The following GARIN2 variants were observed in gnomAD, a reference collection of about 807,000 sequenced individuals.
The protein encoded by GARIN2 is golgi associated RAB2 interactor family member 2.
At chr14:67,225,346 A>G in the GARIN2 span, 2 of 851,044 alleles carry the variant, frequency 2.4e-6, no homozygotes, top group South Asian at 4.1e-5. Context: ...AATAAGTGGG[A>G]TCTTTTAACA....
chr14:67,193,599 C>A, the GARIN2 span, among the ~76,000 whole-genome samples: 27 of 142,052 alleles, frequency 1.9e-4, no homozygotes, highest in East Asian at 4.1e-4. Context: ...AGATATATAT[C>A]TATAGATATA....
chr14:67,204,879 C>T, the GARIN2 span: 4 of 1,613,816 alleles, frequency 2.5e-6, no homozygotes, highest in Non-Finnish European at 3.4e-6. Context: ...GCATAGATTT[C>T]CCAGAATTCA....
At chr14:67,198,170 G>T in the GARIN2 span, 1 of 1,610,094 alleles carries the variant, frequency 6.2e-7, no homozygotes, top group Non-Finnish European at 8.5e-7. Flanking sequence ...CAATGAAGAA[G>T]AACACCAGCA....
the GARIN2 span, among the ~76,000 whole-genome samples, chr14:67,211,040 T>G: frequency 6.6e-6 from 1 of 152,062 alleles, no homozygotes; most frequent in Non-Finnish European, 1.5e-5. Context: ...TGCAGTCAGA[T>G]CTCTGGGTTC....
At chr14:67,199,061 C>G in the GARIN2 span, 5 of 818,466 alleles carry the variant, frequency 6.1e-6, no homozygotes, top group African/African-American at 8.4e-5. Flanking sequence ...GCTCTTTTGC[C>G]ATGGCTACCA....
At chr14:67,202,877 G>A in the GARIN2 span, among the ~76,000 whole-genome samples, 2 of 152,190 alleles carry the variant, frequency 1.3e-5, no homozygotes, top group Non-Finnish European at 2.9e-5. Context: ...TACTTAAATT[G>A]TTTAATGTTT....
chr14:67,221,962 T>C, the GARIN2 span: 4 of 883,536 alleles, frequency 4.5e-6, no homozygotes, highest in Non-Finnish European at 6.6e-6. Flanking sequence ...CTGAGAATCC[T>C]ATACTGAAGA....
At chr14:67,199,647 C>T in the GARIN2 span, 2 of 1,576,264 alleles carry the variant, frequency 1.3e-6, no homozygotes, top group Non-Finnish European at 1.7e-6. Flanking sequence ...CGACTTCTGG[C>T]AGCTCAGAAC....
the GARIN2 span, among the ~76,000 whole-genome samples, chr14:67,192,790 G>T: frequency 6.8e-6 from 1 of 146,958 alleles, no homozygotes. Context: ...ATATATGTAT[G>T]TGTGTGTATA....
chr14:67,222,910 G>A, the GARIN2 span, among the ~76,000 whole-genome samples: 1 of 151,000 alleles, frequency 6.6e-6, no homozygotes. Flanking sequence ...TTAGTCACAC[G>A]TACAAGAGTC....
the GARIN2 span, among the ~76,000 whole-genome samples, chr14:67,193,172 A>C: frequency 5.7e-5 from 8 of 140,814 alleles, no homozygotes; most frequent in Admixed American, 2.2e-4. Context: ...AGACATCTAT[A>C]TATCTCTATA....
At chr14:67,208,118 G>C in the GARIN2 span, 1 of 1,548,172 alleles carries the variant, frequency 6.5e-7, no homozygotes, top group East Asian at 2.3e-5. Flanking sequence ...ATGAAATGGT[G>C]CCTGTATTCG....
At chr14:67,217,024 A>G in the GARIN2 span, among the ~76,000 whole-genome samples, 1 of 152,164 alleles carries the variant, frequency 6.6e-6, no homozygotes, top group African/African-American at 2.4e-5. Context: ...GTCCCCAGCT[A>G]TTATTGTATT....
the GARIN2 span, chr14:67,201,771 A>C: frequency 1.1e-5 from 3 of 284,686 alleles, no homozygotes; most frequent in South Asian, 9.7e-5. Context: ...AGTGTGAGCT[A>C]CAACCTCTTT....
chr14:67,195,995 A>G, the GARIN2 span, among the ~76,000 whole-genome samples: 2 of 152,134 alleles, frequency 1.3e-5, no homozygotes, highest in African/African-American at 4.8e-5. Context: ...CATGTTGGCC[A>G]GGCTGTTCTC....
the GARIN2 span, among the ~76,000 whole-genome samples, chr14:67,206,897 T>G: frequency 6.6e-6 from 1 of 151,992 alleles, no homozygotes; most frequent in Non-Finnish European, 1.5e-5. Flanking sequence ...GCCCAGTTAA[T>G]TTTTGTATTT....
the GARIN2 span, among the ~76,000 whole-genome samples, chr14:67,222,328 T>C: frequency 2.6e-5 from 4 of 152,238 alleles, no homozygotes; most frequent in Non-Finnish European, 5.9e-5. Context: ...GTAGTCTCTG[T>C]TGCCCAGGCT....
the GARIN2 span, chr14:67,201,401 A>C: frequency 4.4e-6 from 2 of 455,822 alleles, no homozygotes; most frequent in Non-Finnish European, 8.8e-6. Flanking sequence ...GAAGACCCCA[A>C]TTCTCTCTTT....
chr14:67,220,466 A>T, the GARIN2 span, among the ~76,000 whole-genome samples: 1 of 151,932 alleles, frequency 6.6e-6, no homozygotes, highest in Non-Finnish European at 1.5e-5. Context: ...AAGGTAAATG[A>T]TGACCTTGTT....
Sources: allele counts gnomAD v4.1 joint callset (sites outside exome capture counted in the v4.1 genomes callset), GRCh38; gene constraint gnomAD v4.1.1; transcripts MANE v1.5; gene names NCBI Gene and HGNC (gene_info 2026-07-23, HGNC 2026-07-21).